The following THAP4 variants were observed in gnomAD, a reference collection of about 807,000 sequenced individuals.
The protein encoded by THAP4 is THAP domain containing 4, also known as peroxynitrite isomerase THAP4.
A neutral mutation model predicts 48.1 loss-of-function variants in THAP4; 18 were observed. The ratio of observed to expected loss-of-function variants is 0.37; its 90% confidence interval spans 0.26 to 0.56. The LOEUF (loss-of-function observed/expected upper bound fraction) is 0.56. Among genes scored for constraint, THAP4 ranks in the 20% least tolerant of loss-of-function variants. The pLI is 0.78. For synonymous variants in THAP4, 345 were observed against 324.9 expected (o/e 1.06, Z -0.66); for missense variants, 656 against 774.9 (o/e 0.85, Z 1.82).
intron 2 of THAP4, among the ~76,000 whole-genome samples, chr2:241,629,126 G>C (rs1050446877): frequency 6.6e-6 from 1 of 151,944 alleles, no homozygotes; most frequent in East Asian, 1.9e-4. Flanking sequence ...ACACAGGACC[G>C]ATCAGCTCTC....
At chr2:241,632,890 A>G (rs1435343742) in intron 2 of THAP4, 27 bp downstream of exon 2, 2 of 1,529,776 alleles carry the variant, frequency 1.3e-6, no homozygotes, top group African/African-American at 1.4e-5. Context: ...GGAAGGGAAC[A>G]TGGGTACGCG....
intron 5 of THAP4, among the ~76,000 whole-genome samples, chr2:241,595,722 G>GCAGT (rs1291614186): frequency 6.6e-6 from 1 of 151,998 alleles, no homozygotes; most frequent in African/African-American, 2.4e-5. Context: ...CAAGGCAGCA[G>GCAGT]CAGTCACTCC....
chr2:241,609,474 G>A (rs906284251), intron 2 of THAP4, among the ~76,000 whole-genome samples: 1 of 152,198 alleles, frequency 6.6e-6, no homozygotes, highest in Non-Finnish European at 1.5e-5. Flanking sequence ...ACTTTATCCA[G>A]CTCAGCACTG....
At chr2:241,611,957 C>T (rs1290258309) in intron 2 of THAP4, among the ~76,000 whole-genome samples, 5 of 152,062 alleles carry the variant, frequency 3.3e-5, no homozygotes, top group Non-Finnish European at 1.5e-5. Flanking sequence ...GGCTGGAGTG[C>T]AGTGGCATGA....
At chr2:241,636,854 C>T (rs1047997021) in intron 1 of THAP4, 87 bp downstream of exon 1, 1 of 789,838 alleles carries the variant, frequency 1.3e-6, no homozygotes, top group Non-Finnish European at 1.5e-6. Flanking sequence ...GGCGCCCCCG[C>T]CCCCCGCGTT....
chr2:241,628,696 C>T (rs1195055947), intron 2 of THAP4, among the ~76,000 whole-genome samples: 30 of 147,160 alleles, frequency 2.0e-4, no homozygotes, highest in African/African-American at 5.7e-4. Context: ...TGGCTGGGTG[C>T]GGTGGCTTAC....
At chr2:241,589,808 C>G (rs1378866643) in intron 5 of THAP4, among the ~76,000 whole-genome samples, 2 of 152,150 alleles carry the variant, frequency 1.3e-5, no homozygotes, top group African/African-American at 4.8e-5. Context: ...AAAGGATAAA[C>G]AAAACTGACA....
chr2:241,602,810 G>A (rs1020090776), intron 4 of THAP4, among the ~76,000 whole-genome samples, 160 bp downstream of exon 4: 14 of 152,302 alleles, frequency 9.2e-5, no homozygotes, highest in African/African-American at 2.6e-4. Flanking sequence ...AGTCGGCCCC[G>A]CAGGCTCCCA....
chr2:241,637,367 G>C (rs1256462826), upstream of THAP4: 9 of 1,373,400 alleles, frequency 6.6e-6, no homozygotes, highest in Non-Finnish European at 8.6e-6. Flanking sequence ...CGTACCGCAA[G>C]ATGGCTGCTC....
At chr2:241,598,557 G>A (rs1047759452) in intron 5 of THAP4, among the ~76,000 whole-genome samples, 1 of 152,186 alleles carries the variant, frequency 6.6e-6, no homozygotes, top group Non-Finnish European at 1.5e-5. Flanking sequence ...GTTTTGGGAT[G>A]AAACTGTTCC....
At position 241,612,464 on chromosome 2, in the gene THAP4, C is replaced by T. The variant is rs148007377; in HGVS notation, c.1241-5991G>A. Among the ~76,000 whole-genome samples the T allele has an allele frequency of 4.3e-4, 66 of 152,306 alleles. No individual in the cohort carries two copies. The East Asian group carries it at 0.011, about 24-fold the overall frequency. ...AAATGACACACCTGTCCCCACAGGA[C>T]GCTGCCCATGAATGTTTACAGCAGC... On this transcript the variant is annotated intron_variant, in intron 2 of 5. Coordinates refer to ENST00000407315, the MANE Select transcript of THAP4 (RefSeq NM_015963.6). This position sits in a 1 kb window ranked among gnomAD's most constrained non-coding sequence, Gnocchi z 4.1.
chr2:241,637,459 CAG>C, upstream of THAP4: 1 of 1,467,604 alleles, frequency 6.8e-7, no homozygotes, highest in Non-Finnish European at 9.0e-7. Context: ...CCATGGCACA[CAG>C]TGTCCCGTCG....
At position 241,610,121 on chromosome 2, in the gene THAP4, C is replaced by A. The variant is rs1395128126; in HGVS notation, c.1241-3648G>T. Among the ~76,000 whole-genome samples, 1 of 152,216 alleles carries A rather than the reference C, an allele frequency of 6.6e-6. No homozygotes were observed. Among genetic ancestry groups the A allele is most frequent in the African/African-American group, 2.4e-5 (1 of 41,462 alleles). On this transcript the variant is annotated intron_variant, in intron 2 of 5. Coordinates refer to ENST00000407315, the MANE Select transcript of THAP4 (RefSeq NM_015963.6). The surrounding 1 kb of genome is among the most constrained non-coding windows in gnomAD (Gnocchi z 4.2). ...AGAGGCCAAGGGGCCTGGCGGCGCCCCCCAGGGTCCCAGTGGAACAGGGGC... is the reference window on the plus strand; with the variant it reads ...AGAGGCCAAGGGGCCTGGCGGCGCCACCCAGGGTCCCAGTGGAACAGGGGC...
At chr2:241,604,524 T>C (rs1220360097) in intron 3 of THAP4, among the ~76,000 whole-genome samples, 2 of 152,084 alleles carry the variant, frequency 1.3e-5, no homozygotes, top group Non-Finnish European at 2.9e-5. Flanking sequence ...GTGCTGGGAT[T>C]ACAGGTGTGA....
chr2:241,607,085 G>C (rs568147347), intron 2 of THAP4, among the ~76,000 whole-genome samples: 31 of 152,264 alleles, frequency 2.0e-4, no homozygotes, highest in Non-Finnish European at 3.4e-4. Context: ...TCCCTGAGGA[G>C]GGGCTGGGGC....
chr2:241,637,234 C>T, upstream of THAP4: 1 of 1,007,748 alleles, frequency 9.9e-7, no homozygotes, highest in Non-Finnish European at 1.2e-6. Flanking sequence ...CGGGTTCGGG[C>T]GTCTTCGGAC....
chr2:241,615,740 C>T (rs2067332134), intron 2 of THAP4, among the ~76,000 whole-genome samples: 1 of 152,212 alleles, frequency 6.6e-6, no homozygotes, highest in African/African-American at 2.4e-5. Context: ...CTGCCCGGTG[C>T]CTCTCACCTC....
chr2:241,626,029 G>A (rs1366880097), intron 2 of THAP4, among the ~76,000 whole-genome samples: 1 of 152,068 alleles, frequency 6.6e-6, no homozygotes, highest in African/African-American at 2.4e-5. Flanking sequence ...TCATCTGACC[G>A]TAAATCACAG....
chr2:241,636,893 C>A, intron 1 of THAP4, 48 bp downstream of exon 1: 1 of 1,106,460 alleles, frequency 9.0e-7, no homozygotes, highest in South Asian at 2.1e-5. Flanking sequence ...TCAGTTTCCC[C>A]GCAGGGCCGG....
Sources: gnomAD v4.1 joint callset for allele counts (sites outside exome capture counted in the v4.1 genomes callset) on GRCh38, gnomAD v4.1.1 for gene constraint, Gnocchi (gnomAD v3.1) non-coding constraint, MANE v1.5 for transcripts, NCBI Gene and HGNC (gene_info 2026-07-23, HGNC 2026-07-21) for gene names.